KSR2: variants seen among roughly 807,000 people sequenced by gnomAD.
KSR2 encodes the protein kinase suppressor of ras 2.
Under a neutral mutation model 107.8 loss-of-function variants are expected in KSR2, and 25 were observed. That is an observed-to-expected ratio of 0.23 (90% CI 0.17 to 0.32). The LOEUF is 0.32. KSR2 is among the 10% of genes least tolerant of loss of function. The pLI is 1.00. For missense variants in KSR2, 887 were observed against 1,268.9 expected (o/e 0.70, Z 4.57); for synonymous variants, 480 against 507.0 (o/e 0.95, Z 0.71).
At chr12:117,769,238 CAA>C (rs748701787) in intron 3 of KSR2, among the ~76,000 whole-genome samples, 2 of 151,350 alleles carry the variant, frequency 1.3e-5, no homozygotes, top group Non-Finnish European at 2.9e-5. Flanking sequence ...TTTTTTTCTA[CAA>C]AGACATGATT....
At chr12:117,713,757 A>C (rs1482463059) in intron 4 of KSR2, among the ~76,000 whole-genome samples, 1 of 152,174 alleles carries the variant, frequency 6.6e-6, no homozygotes, top group African/African-American at 2.4e-5. Flanking sequence ...GTCAGCCCTA[A>C]TGAGAGCTGG....
At chr12:117,735,607 C>T (rs758706621) in intron 4 of KSR2, among the ~76,000 whole-genome samples, 1 of 152,042 alleles carries the variant, frequency 6.6e-6, no homozygotes, top group East Asian at 1.9e-4. Flanking sequence ...ATTTAAGATA[C>T]CAGTGTCACG....
chr12:117,837,383 C>A (rs1037262512), intron 3 of KSR2, among the ~76,000 whole-genome samples: 1 of 152,186 alleles, frequency 6.6e-6, no homozygotes, highest in East Asian at 1.9e-4. Context: ...ACAATTTTGA[C>A]GTCTCCGCTA....
chr12:117,762,773 A>G (rs1345574501), intron 3 of KSR2, among the ~76,000 whole-genome samples: 1 of 152,048 alleles, frequency 6.6e-6, no homozygotes, highest in Non-Finnish European at 1.5e-5. Flanking sequence ...AGGCTGAGGC[A>G]ATAAGAATCG....
intron 3 of KSR2, among the ~76,000 whole-genome samples, chr12:117,835,987 G>A (rs1435717383): frequency 1.3e-5 from 2 of 152,042 alleles, no homozygotes; most frequent in Admixed American, 6.6e-5. Flanking sequence ...AGTACCCTCC[G>A]TAAACTGACA....
chr12:117,742,987 C>A (rs1048098407), intron 4 of KSR2, among the ~76,000 whole-genome samples: 2 of 152,176 alleles, frequency 1.3e-5, no homozygotes, highest in African/African-American at 4.8e-5. Flanking sequence ...GAACGCTTTC[C>A]TCGGACCATC....
At chr12:117,884,863 G>A (rs1024873488) in intron 1 of KSR2, among the ~76,000 whole-genome samples, 14 of 152,018 alleles carry the variant, frequency 9.2e-5, no homozygotes, top group Admixed American at 1.3e-4. Flanking sequence ...CATCTGCTCC[G>A]TTCCTCTTTA....
At chr12:117,777,239 A>G (rs1272923434) in intron 3 of KSR2, among the ~76,000 whole-genome samples, 2 of 150,780 alleles carry the variant, frequency 1.3e-5, no homozygotes, top group Non-Finnish European at 2.9e-5. Flanking sequence ...ACTGTCACTC[A>G]AACCTAAACC....
chr12:117,763,069 T>A (rs1201366296), intron 3 of KSR2, among the ~76,000 whole-genome samples: 2 of 151,102 alleles, frequency 1.3e-5, no homozygotes, highest in African/African-American at 4.9e-5. Flanking sequence ...GTCCCCAGAG[T>A]GTGATGTTCC....
At chr12:117,484,708 G>T (rs1009816402) in intron 15 of KSR2, among the ~76,000 whole-genome samples, 159 bp from the exon 16 acceptor site, 4 of 152,310 alleles carry the variant, frequency 2.6e-5, no homozygotes, top group East Asian at 1.9e-4. Flanking sequence ...TCCTGGGGGT[G>T]AGGTCGGGGA....
intron 1 of KSR2, among the ~76,000 whole-genome samples, chr12:117,938,823 G>A (rs183825795): frequency 3.3e-5 from 5 of 152,126 alleles, no homozygotes; most frequent in Non-Finnish European, 5.9e-5. Context: ...CCAAAGCTAT[G>A]ACGCTGCTTC....
At chr12:117,626,467 G>A (rs1212072258) in intron 5 of KSR2, among the ~76,000 whole-genome samples, 1 of 152,186 alleles carries the variant, frequency 6.6e-6, no homozygotes, top group African/African-American at 2.4e-5. Context: ...TATCTACCCA[G>A]TAGTCATTCA....
At chr12:117,679,376 C>T (rs907334426) in intron 4 of KSR2, among the ~76,000 whole-genome samples, 2 of 152,138 alleles carry the variant, frequency 1.3e-5, no homozygotes. Flanking sequence ...AATTGAAGTT[C>T]AGAGAGGTTA....
chr12:117,901,241 A>C (rs1370442453), intron 1 of KSR2, among the ~76,000 whole-genome samples: 1 of 152,232 alleles, frequency 6.6e-6, no homozygotes, highest in Non-Finnish European at 1.5e-5. Flanking sequence ...ATATGATACA[A>C]TAAATATACA....
intron 4 of KSR2, among the ~76,000 whole-genome samples, chr12:117,705,200 C>T (rs1263707914): frequency 2.0e-5 from 3 of 152,048 alleles, no homozygotes; most frequent in East Asian, 1.9e-4. Context: ...CACAGCCTAG[C>T]GAAGGGATCC....
chr12:117,567,585 C>G (rs549271268), intron 7 of KSR2, among the ~76,000 whole-genome samples: 21 of 151,510 alleles, frequency 1.4e-4, no homozygotes, highest in Non-Finnish European at 2.5e-4. Flanking sequence ...AAGTTCCCCT[C>G]TCATTATCTT....
chr12:117,675,150 G>A (rs549029761), intron 4 of KSR2, among the ~76,000 whole-genome samples: 1 of 152,144 alleles, frequency 6.6e-6, no homozygotes, highest in Admixed American at 6.5e-5. Flanking sequence ...ATCCCAGCTG[G>A]AATTCTGCAT....
At chr12:117,883,875 C>CAAAAA (rs34939587) in intron 1 of KSR2, among the ~76,000 whole-genome samples, 1 of 93,834 alleles carries the variant, frequency 1.1e-5, no homozygotes, top group Non-Finnish European at 2.0e-5. Context: ...GTCTCCATCT[C>CAAAAA]AAAAAAAAAA....
Position 117,510,115 on chromosome 12 carries a change from C to T in KSR2, c.2219+14737G>A, listed in dbSNP as rs188040762. The stretch of plus-strand genomic sequence containing the variant: ...AACTCAAGAAGAAAGTTCTCTTCAG[C>T]GATAAGGTGCTTATGTATACTTGCT... On this transcript the variant is annotated intron_variant, in intron 14 of 19. Coordinates refer to ENST00000339824, the MANE Select transcript of KSR2 (RefSeq NM_173598.6). 5.9e-5 allele frequency among the ~76,000 whole-genome samples: 9 copies of T among 152,274 alleles called. No individual in the cohort carries two copies. In the East Asian group the frequency reaches 1.4e-3, roughly 23 times the overall value.
Sources: gnomAD v4.1 joint callset for allele counts (sites outside exome capture counted in the v4.1 genomes callset) on GRCh38, gnomAD v4.1.1 for gene constraint, MANE v1.5 for transcripts, NCBI Gene and HGNC (gene_info 2026-07-23, HGNC 2026-07-21) for gene names.